The following VPS8 variants were observed in gnomAD, a reference collection of about 807,000 sequenced individuals.
VPS8 encodes VPS8 subunit of CORVET complex, also known as vacuolar protein sorting-associated protein 8 homolog.
Under a neutral mutation model 216.4 loss-of-function variants are expected in VPS8, and 129 were observed. The observed-to-expected ratio is 0.60, with a 90% confidence interval of 0.52 to 0.69. VPS8 has a LOEUF of 0.69. Among genes scored for constraint, VPS8 ranks in the 30% least tolerant of loss-of-function variants. The pLI is 0.00. For missense variants in VPS8, 1,531 were observed against 1,683.5 expected (o/e 0.91, Z 1.59); for synonymous variants, 571 against 565.4 (o/e 1.01, Z -0.14).
At chr3:184,851,969 G>C (rs77044439) in intron 10 of VPS8, among the ~76,000 whole-genome samples, 5,478 of 152,294 alleles carry the variant, frequency 0.036, 343 homozygotes, top group African/African-American at 0.13. Context: ...ATATGCTGTG[G>C]AAGAAGATCA....
At position 184,957,414 on chromosome 3, in the gene VPS8, C is replaced by G. The variant is rs533468715; in HGVS notation, c.3076C>G (p.Pro1026Ala). The G allele has an allele frequency of 1.9e-6, 3 of 1,611,814 alleles. No homozygotes were observed. The African/African-American group carries it at 4.0e-5, about 21-fold the overall frequency. ...AAATCAAGAATTACTGCAAATATCTCCTTGTATCACAGAGCAGTTCATTGA... is the reference window on the plus strand; with the variant it reads ...AAATCAAGAATTACTGCAAATATCTGCTTGTATCACAGAGCAGTTCATTGA... ...HVNQELLQISPCITEQFIELL... is the reference protein window; with the variant it reads ...HVNQELLQISACITEQFIELL... Residue 1026 changes from proline to alanine, a missense_variant, in exon 37 of 48, where the codon CCT (proline) becomes GCT (alanine). Physicochemically the swap from Pro to Ala is conservative, Grantham distance 27. Around this residue, in one of 3 missense-constraint regions of VPS8, gnomAD observed 1,318 missense variants for 1,468.4 expected, o/e 0.90. Transcript: ENST00000625842.
At chr3:184,905,557 T>G (rs1735338567) in intron 25 of VPS8, among the ~76,000 whole-genome samples, 1 of 151,994 alleles carries the variant, frequency 6.6e-6, no homozygotes, top group Admixed American at 6.5e-5. Flanking sequence ...TGCATTCAAC[T>G]TTAGTCTATT....
intron 34 of VPS8, among the ~76,000 whole-genome samples, chr3:184,932,949 T>TA (rs1228932632): frequency 6.6e-6 from 1 of 152,230 alleles, no homozygotes; most frequent in African/African-American, 2.4e-5. Flanking sequence ...CATAGCCACA[T>TA]ACATTTCTCT....
chr3:185,018,271 T>C (rs560677209), intron 45 of VPS8, among the ~76,000 whole-genome samples: 2 of 152,234 alleles, frequency 1.3e-5, no homozygotes, highest in Non-Finnish European at 2.9e-5. Flanking sequence ...AATCACCTTT[T>C]TAAGAGACTC....
chr3:184,867,875 A>G (rs1727664250), intron 17 of VPS8, 149 bp from the exon 18 acceptor site: 1 of 702,856 alleles, frequency 1.4e-6, no homozygotes, highest in East Asian at 3.1e-5. Flanking sequence ...TTGAAGACCC[A>G]TTAGTAAATT....
intron 46 of VPS8, among the ~76,000 whole-genome samples, chr3:185,030,602 C>T (rs548757021): frequency 6.6e-6 from 1 of 152,256 alleles, no homozygotes; most frequent in African/African-American, 2.4e-5. Flanking sequence ...TGTTAGGTGC[C>T]AGGGTTCAGA....
chr3:184,917,461 C>T (rs2109105502), intron 28 of VPS8, among the ~76,000 whole-genome samples: 1 of 152,236 alleles, frequency 6.6e-6, no homozygotes, highest in African/African-American at 2.4e-5. Context: ...CGGAGCTTTG[C>T]TCTTGTCTCC....
intron 21 of VPS8, among the ~76,000 whole-genome samples, chr3:184,871,756 T>C (rs1016468715): frequency 6.6e-6 from 1 of 152,168 alleles, no homozygotes; most frequent in African/African-American, 2.4e-5. Flanking sequence ...TTTACATTAA[T>C]GGACATATTT....
In VPS8 at chr3:184,926,591, CA is replaced by C. The variant is rs1739696705; in HGVS notation, c.2575-2del. 1.3e-6 allele frequency: 2 copies of C among 1,596,244 alleles called. No individual in the cohort carries two copies. Among genetic ancestry groups the C allele is most frequent in the Non-Finnish European group, 1.7e-6 (2 of 1,171,074 alleles). ...AAATAAAAAATACTTTTTCTTCGGCCAGGTCCTTGAATTCCTTTGTAGTCCT... is the reference window on the plus strand; with the variant it reads ...AAATAAAAAATACTTTTTCTTCGGCCGGTCCTTGAATTCCTTTGTAGTCCT... On this transcript the variant is annotated splice_acceptor_variant, in intron 30 of 47. Coordinates refer to ENST00000625842, the MANE Select transcript of VPS8 (RefSeq NM_001009921.3). LOFTEE classifies it high-confidence loss of function.
rs1427831989 is a variant in VPS8, at chr3:185,032,355, A to ATT, written c.4056+7966_4056+7967insTT. ...CTATTGCAGTAAGGGGAACGCTCCAACCATAAGATCTGCAAGGGTCTCAGA... is the reference window on the plus strand; with the variant it reads ...CTATTGCAGTAAGGGGAACGCTCCAATTCCATAAGATCTGCAAGGGTCTCAGA... On this transcript the variant is annotated intron_variant, in intron 46 of 47. Coordinates refer to ENST00000625842, the MANE Select transcript of VPS8 (RefSeq NM_001009921.3). Among the ~76,000 whole-genome samples, 13 of 152,300 alleles carry ATT rather than the reference A, an allele frequency of 8.5e-5. No homozygotes were observed. In the South Asian group the frequency reaches 2.7e-3, roughly 32 times the overall value.
At chr3:184,979,635 T>G (rs1164952101) in intron 40 of VPS8, among the ~76,000 whole-genome samples, 5 of 152,206 alleles carry the variant, frequency 3.3e-5, no homozygotes, top group Admixed American at 3.3e-4. Flanking sequence ...CTCTTTTTTA[T>G]TTTTTTGTTT....
At chr3:184,870,662 T>C in intron 20 of VPS8, 54 bp from the exon 21 acceptor site, 1 of 1,360,650 alleles carries the variant, frequency 7.3e-7, no homozygotes, top group Non-Finnish European at 1.0e-6. Context: ...ACATACATAT[T>C]GAAAAACTTT....
At chr3:184,917,377 C>T (rs577825542) in intron 28 of VPS8, among the ~76,000 whole-genome samples, 2 of 152,230 alleles carry the variant, frequency 1.3e-5, no homozygotes, top group East Asian at 3.9e-4. Flanking sequence ...TTGCAACCTG[C>T]AATAAAAAAT....
chr3:184,886,588 T>C (rs906642222), intron 22 of VPS8, among the ~76,000 whole-genome samples: 2 of 151,810 alleles, frequency 1.3e-5, no homozygotes, highest in Admixed American at 6.6e-5. Context: ...ATATATACTT[T>C]TTTTTTTTTG....
chr3:185,005,349 C>T (rs1479288429), intron 45 of VPS8, among the ~76,000 whole-genome samples: 1 of 152,082 alleles, frequency 6.6e-6, no homozygotes, highest in African/African-American at 2.4e-5. Context: ...ATTGCTTTGG[C>T]TATGTGGGCT....
chr3:185,003,987 T>C (rs1753841860), intron 45 of VPS8, among the ~76,000 whole-genome samples: 1 of 147,586 alleles, frequency 6.8e-6, no homozygotes, highest in Non-Finnish European at 1.5e-5. Context: ...CGCTCCTCAC[T>C]TCCTAGATGG....
At chr3:184,975,852 T>G (rs1255251643) in intron 40 of VPS8, among the ~76,000 whole-genome samples, 1 of 152,190 alleles carries the variant, frequency 6.6e-6, no homozygotes, top group African/African-American at 2.4e-5. Flanking sequence ...TGTATCACAT[T>G]TATTTATTGA....
chr3:184,952,734 A>G (rs1744932303), intron 36 of VPS8, among the ~76,000 whole-genome samples: 1 of 152,222 alleles, frequency 6.6e-6, no homozygotes, highest in African/African-American at 2.4e-5. Context: ...GGCTGTTTTC[A>G]GCCCTCTGAT....
At chr3:184,999,151 G>A (rs534517772) in intron 44 of VPS8, among the ~76,000 whole-genome samples, 61 of 152,078 alleles carry the variant, frequency 4.0e-4, no homozygotes, top group African/African-American at 1.4e-3. Context: ...TCCGCCTCCC[G>A]GGTTGAAGCA....
Sources: allele counts gnomAD v4.1 joint callset (sites outside exome capture counted in the v4.1 genomes callset), GRCh38; gene constraint gnomAD v4.1.1; regional missense constraint gnomAD v4.1.1; transcripts MANE v1.5; gene names NCBI Gene and HGNC (gene_info 2026-07-23, HGNC 2026-07-21).